The following MALRD1 variants were observed in gnomAD, a reference collection of about 807,000 sequenced individuals.
MALRD1 encodes MAM and LDL receptor class A domain containing 1, also known as MAM and LDL-receptor class A domain-containing protein 1.
MALRD1 carries 247 observed loss-of-function variants against 242.1 expected under a neutral mutation model. The ratio of observed to expected loss-of-function variants is 1.02; its 90% confidence interval spans 0.92 to 1.13. MALRD1 has a LOEUF of 1.13. Among genes scored for constraint, MALRD1 ranks in the 50% most tolerant of loss-of-function variants. MALRD1 has a pLI of 0.00. For synonymous variants in MALRD1, 995 were observed against 866.6 expected, an observed-to-expected ratio of 1.15 and a Z score of -2.60; for missense variants, 2,989 against 2,533.1, an observed-to-expected ratio of 1.18 and a Z score of -3.86.
At chr10:19,265,026 T>C (rs940840704) in intron 19 of MALRD1, among the ~76,000 whole-genome samples, 4 of 152,188 alleles carry the variant, frequency 2.6e-5, no homozygotes, top group Non-Finnish European at 5.9e-5. Context: ...GCTGTTCAAT[T>C]TCTTGGAGTA....
intron 2 of MALRD1, among the ~76,000 whole-genome samples, chr10:19,074,687 G>C (rs1835262815): frequency 6.6e-6 from 1 of 151,910 alleles, no homozygotes; most frequent in African/African-American, 2.4e-5. Context: ...GTATTGATGA[G>C]AGCTAAAAAT....
chr10:19,353,610 G>T (rs1037134801), intron 26 of MALRD1, among the ~76,000 whole-genome samples: 1 of 152,136 alleles, frequency 6.6e-6, no homozygotes, highest in Admixed American at 6.5e-5. Flanking sequence ...ATATGGAATA[G>T]TATAGAGGAA....
intron 11 of MALRD1, among the ~76,000 whole-genome samples, chr10:19,153,955 C>A (rs1294842001): frequency 2.6e-5 from 4 of 152,018 alleles, no homozygotes; most frequent in Non-Finnish European, 4.4e-5. Context: ...GAATTTTGAT[C>A]ATCTTTTTAA....
At chr10:19,274,781 C>G (rs992426801) in intron 19 of MALRD1, among the ~76,000 whole-genome samples, 1 of 151,984 alleles carries the variant, frequency 6.6e-6, no homozygotes, top group Non-Finnish European at 1.5e-5. Flanking sequence ...TAGTCAATAT[C>G]GTAGAAACAA....
chr10:19,240,871 A>G (rs2131744054), intron 18 of MALRD1, among the ~76,000 whole-genome samples: 1 of 151,972 alleles, frequency 6.6e-6, no homozygotes, highest in Admixed American at 6.6e-5. Flanking sequence ...ATATTTACTG[A>G]TTTGTGCATG....
chr10:19,510,745 C>G (rs1338011575), intron 31 of MALRD1, among the ~76,000 whole-genome samples: 1 of 152,220 alleles, frequency 6.6e-6, no homozygotes, highest in Non-Finnish European at 1.5e-5. Context: ...ACAGTCTGAT[C>G]TCTCTTTCTT....
chr10:19,667,923 T>G (rs925945910), intron 36 of MALRD1, among the ~76,000 whole-genome samples: 15 of 152,134 alleles, frequency 9.9e-5, no homozygotes, highest in Non-Finnish European at 1.9e-4. Context: ...TGCTGGCAGA[T>G]TCAGTGTCTG....
At chr10:19,534,331 A>G (rs1834555313) in intron 32 of MALRD1, among the ~76,000 whole-genome samples, 1 of 152,220 alleles carries the variant, frequency 6.6e-6, no homozygotes, top group Admixed American at 6.5e-5. Flanking sequence ...AGCATGCAGT[A>G]ATTTTACATG....
At chr10:19,670,468 C>A (rs1333973349) in intron 36 of MALRD1, among the ~76,000 whole-genome samples, 3 of 152,204 alleles carry the variant, frequency 2.0e-5, no homozygotes, top group Non-Finnish European at 2.9e-5. Context: ...ACACTAGTCA[C>A]TCTACTGAGT....
intron 10 of MALRD1, 93 bp downstream of exon 10, chr10:19,136,874 A>G: frequency 1.2e-6 from 1 of 816,324 alleles, no homozygotes; most frequent in Non-Finnish European, 1.6e-6. Flanking sequence ...AGGCAAAGGT[A>G]AGTCATATGT....
At chr10:19,573,899 A>T (rs7900695) in intron 33 of MALRD1, among the ~76,000 whole-genome samples, 46,773 of 152,014 alleles carry the variant, frequency 0.31, 11,246 homozygotes, top group African/African-American at 0.67. Flanking sequence ...ATGGGCACTT[A>T]TTCCCCACCC....
At chr10:19,447,889 C>A (rs1032514062) in intron 28 of MALRD1, among the ~76,000 whole-genome samples, 1 of 152,110 alleles carries the variant, frequency 6.6e-6, no homozygotes, top group Non-Finnish European at 1.5e-5. Context: ...GGTGTGAATT[C>A]TCCACCCCTT....
At chr10:19,111,166 A>G (rs568023468) in intron 5 of MALRD1, among the ~76,000 whole-genome samples, 12 of 152,334 alleles carry the variant, frequency 7.9e-5, no homozygotes, top group Admixed American at 6.5e-4. Flanking sequence ...TTCAGAAGAC[A>G]AATGTCAGAT....
At chr10:19,457,309 A>G (rs772968934) in intron 29 of MALRD1, among the ~76,000 whole-genome samples, 4 of 152,194 alleles carry the variant, frequency 2.6e-5, no homozygotes, top group Non-Finnish European at 5.9e-5. Flanking sequence ...TTCACTGTCT[A>G]CTGGTTACCA....
intron 36 of MALRD1, among the ~76,000 whole-genome samples, chr10:19,637,854 AC>A (rs1238820461): frequency 6.6e-6 from 1 of 152,072 alleles, no homozygotes; most frequent in African/African-American, 2.4e-5. Context: ...TAAGCCCAGC[AC>A]TTTGGGAGGC....
In MALRD1 at chr10:19,403,925, A is replaced by G. The variant is rs536320550; in HGVS notation, c.4845+14316A>G. ...TCGGAGCTGAATTTTCTTGGTAGTCAAAAGAATATAAAACATAAGAAAACA... is the reference window on the plus strand; with the variant it reads ...TCGGAGCTGAATTTTCTTGGTAGTCGAAAGAATATAAAACATAAGAAAACA... On this transcript the variant is annotated intron_variant, in intron 28 of 39. Transcript: ENST00000454679. 1.0e-3 allele frequency among the ~76,000 whole-genome samples: 153 copies of G among 152,256 alleles called. 3 individuals are homozygous for G. The South Asian group carries it at 0.032, about 31-fold the overall frequency.
At chr10:19,439,726 T>C (rs1363434697) in intron 28 of MALRD1, among the ~76,000 whole-genome samples, 2 of 152,148 alleles carry the variant, frequency 1.3e-5, no homozygotes, top group Admixed American at 6.6e-5. Flanking sequence ...AAATAATAAG[T>C]ATATAATATG....
intron 34 of MALRD1, among the ~76,000 whole-genome samples, chr10:19,607,506 A>G (rs1314835130): frequency 6.6e-6 from 1 of 152,092 alleles, no homozygotes; most frequent in East Asian, 1.9e-4. Context: ...TTAGGGTTTC[A>G]AGATATGAAT....
rs1841123493 is a variant in MALRD1 at position 19,286,431 on chromosome 10, A to G, written c.3419+3250A>G. 5.9e-5 allele frequency among the ~76,000 whole-genome samples: 9 copies of G among 152,080 alleles called. No individual in the cohort carries two copies. The South Asian group carries it at 1.9e-3, about 32-fold the overall frequency. ...TTATTATTTTGAAATACGTCCCATCAATACCTAATTTATTGAGAGGTTTTA... is the reference window on the plus strand; with the variant it reads ...TTATTATTTTGAAATACGTCCCATCGATACCTAATTTATTGAGAGGTTTTA... On this transcript the variant is annotated intron_variant, in intron 21 of 39. Coordinates refer to ENST00000454679, the MANE Select transcript of MALRD1 (RefSeq NM_001142308.3).
Sources: gnomAD v4.1 joint callset for allele counts (sites outside exome capture counted in the v4.1 genomes callset) on GRCh38, gnomAD v4.1.1 for gene constraint, MANE v1.5 for transcripts, NCBI Gene and HGNC (gene_info 2026-07-23, HGNC 2026-07-21) for gene names.